Variants in ZNF7 observed in about 807,000 individuals in gnomAD.
ZNF7 encodes the protein C2-H2 type zinc finger protein.
In ZNF7, 10 loss-of-function variants were observed where a neutral mutation model predicts 12.0. That is an observed-to-expected ratio of 0.83 (90% CI 0.51 to 1.42). The LOEUF (loss-of-function observed/expected upper bound fraction) is 1.42, where lower values mean the gene tolerates loss of function less well. Ranked by LOEUF, ZNF7 falls within the 40% of genes most tolerant of loss-of-function variation. ZNF7 has a pLI of 0.00. For missense variants in ZNF7, 854 were observed against 837.2 expected (o/e 1.02, Z -0.25); for synonymous variants, 334 against 295.0 (o/e 1.13, Z -1.35).
chr8:144,829,668 C>T, intron 3 of ZNF7, 64 bp downstream of exon 3: 2 of 1,545,688 alleles, frequency 1.3e-6, no homozygotes, highest in Non-Finnish European at 1.8e-6. Context: ...AGCCAGGCCT[C>T]CATCAGAGGC....
rs1326546927 is a variant in ZNF7 at position 144,842,940 on chromosome 8, A to G, written c.1833A>G (p.Glu611=). 6.2e-7 allele frequency: 1 copy of G among 1,614,062 alleles called. No individual in the cohort carries two copies. Among genetic ancestry groups the G allele is most frequent in the Non-Finnish European group, 8.5e-7 (1 of 1,180,026 alleles). ...RIHTRAQWFY[E]YGNALEGSTF... is the part of the protein sequence containing the mutation. ...ACACTAGGGCCCAGTGGTTTTACGA[A>G]TATGGGAATGCCCTGGAAGGGTCCA... is the stretch of plus-strand genomic sequence containing the variant. The change falls in exon 5 of 5, where the codon GAA becomes GAG. Residue 611 remains glutamate, a synonymous_variant. Transcript: ENST00000532777.
At chr8:144,833,037 A>C (rs1828619296) in intron 3 of ZNF7, among the ~76,000 whole-genome samples, 1 of 151,976 alleles carries the variant, frequency 6.6e-6, no homozygotes, top group Non-Finnish European at 1.5e-5. Flanking sequence ...ATCTCTACTA[A>C]AAATACAAAA....
intron 4 of ZNF7, chr8:144,838,093 G>A: frequency 1.4e-6 from 1 of 702,992 alleles, no homozygotes; most frequent in Non-Finnish European, 2.6e-6. Flanking sequence ...ATCCTGTCCT[G>A]CCTCTCCGGG....
Position 144,841,878 on chromosome 8 carries a change from A to G in ZNF7, c.771A>G (p.Lys257=), listed in dbSNP as rs764165882. 7 of 1,614,044 alleles carry G rather than the reference A, an allele frequency of 4.3e-6. No individual in the cohort carries two copies. The highest frequency in any genetic ancestry group is 5.9e-6 in the Non-Finnish European group (7 of 1,179,998). ...EKPYECAECG[K]VFRLCSQLNQ... ...CGTACGAATGTGCAGAGTGTGGGAAAGTCTTCAGGCTCTGCTCGCAGCTTA... is the reference window on the plus strand; with the variant it reads ...CGTACGAATGTGCAGAGTGTGGGAAGGTCTTCAGGCTCTGCTCGCAGCTTA... The change falls in exon 5 of 5, where the codon AAA becomes AAG. Residue 257 remains lysine, a synonymous_variant. Coordinates refer to ENST00000532777, the MANE Select transcript of ZNF7 (RefSeq NM_003416.4).
At chr8:144,828,976 C>A (rs1828118691) in intron 1 of ZNF7, 67 bp from the exon 2 acceptor site, 2 of 1,570,044 alleles carry the variant, frequency 1.3e-6, no homozygotes, top group Non-Finnish European at 8.7e-7. Context: ...GCACAGTACC[C>A]CCTTGATTAG....
In ZNF7 at chr8:144,841,427, C is replaced by T. The variant is rs1022674822; in HGVS notation, c.320C>T (p.Thr107Ile). 1.2e-6 allele frequency: 2 copies of T among 1,614,082 alleles called. No homozygotes were observed. Among genetic ancestry groups the T allele is most frequent in the African/African-American group, 1.3e-5 (1 of 74,938 alleles). ...MDILKSESYG[T>I]VVRISPQDFP... The stretch of plus-strand genomic sequence containing the variant: ...ATCCTAAAATCAGAATCCTATGGGA[C>T]AGTGGTCAGAATCTCCCCACAGGAC... The change falls in exon 5 of 5, where the codon ACA (threonine) becomes ATA (isoleucine). Residue 107 changes from threonine to isoleucine, a missense_variant. Coordinates refer to ENST00000532777, the MANE Select transcript of ZNF7 (RefSeq NM_003416.4).
intron 3 of ZNF7, chr8:144,830,795 G>T: frequency 2.8e-6 from 1 of 360,588 alleles, no homozygotes; most frequent in South Asian, 2.0e-5. Context: ...GTGCAATGGC[G>T]CGATCTTGGC....
chr8:144,846,480 T>C (rs1830517213), downstream of ZNF7: 1 of 297,186 alleles, frequency 3.4e-6, no homozygotes, highest in Non-Finnish European at 6.3e-6. Flanking sequence ...GCTTTCTTGC[T>C]GCAGCAGTGT....
chr8:144,829,403 A>C (rs1168824874), intron 2 of ZNF7, 75 bp from the exon 3 acceptor site: 4 of 1,600,168 alleles, frequency 2.5e-6, no homozygotes, highest in Non-Finnish European at 3.4e-6. Context: ...CAGCTGCCTG[A>C]GACATGTCAT....
intron 1 of ZNF7, chr8:144,828,809 A>T: frequency 1.7e-6 from 1 of 575,510 alleles, no homozygotes; most frequent in Non-Finnish European, 3.1e-6. Context: ...TCCACTTCTT[A>T]CGGCTTTGTG....
rs932528886 is a variant in ZNF7, at chr8:144,843,467, G to A, written c.*299G>A. 5.7e-4 allele frequency: 119 copies of A among 208,978 alleles called. No homozygotes were observed. Among genetic ancestry groups the A allele is most frequent in the Non-Finnish European group, 6.5e-4 (68 of 104,932 alleles). The allele number at this position is 208,978 out of a possible 1,614,324, so 12.9% of individuals were successfully genotyped here. On this transcript the variant is annotated 3_prime_UTR_variant, in exon 5 of 5. Coordinates refer to ENST00000532777, the MANE Select transcript of ZNF7 (RefSeq NM_003416.4). ...GCTGGGCGTGGTGGCAGGCACCTGT[G>A]GTCCCAGCTGCTCGGGAGGCTGAGG...
chr8:144,843,420 C>T lies in ZNF7; in HGVS notation c.*252C>T, dbSNP rs1830249128. Reference sequence around the variant, plus strand: ...CTGGGTAACAGGTGAAACCCCATCTCTACTAAAAATACAAAAATTTAGCTG... The same window carrying T: ...CTGGGTAACAGGTGAAACCCCATCTTTACTAAAAATACAAAAATTTAGCTG... On this transcript the variant is annotated 3_prime_UTR_variant, in exon 5 of 5. Transcript: ENST00000532777. 1 of 340,420 alleles carries T rather than the reference C, an allele frequency of 2.9e-6. No individual in the cohort carries two copies. Among genetic ancestry groups the T allele is most frequent in the Admixed American group, 4.6e-5 (1 of 21,958 alleles). The allele number at this position is 340,420 out of a possible 1,614,324, so 21.1% of individuals were successfully genotyped here.
Position 144,829,036 on chromosome 8 carries a change from C to T in ZNF7, c.-45-7C>T, listed in dbSNP as rs1828126838. 6.2e-7 allele frequency: 1 copy of T among 1,613,400 alleles called. No individual in the cohort carries two copies. Among genetic ancestry groups the T allele is most frequent in the African/African-American group, 1.3e-5 (1 of 74,916 alleles). ...TTGACCTCTAATCCTTTCATAATTG[C>T]CAACAGGTCTCTCGGCCAGAACACG... On this transcript the variant is annotated splice_region_variant and splice_polypyrimidine_tract_variant and intron_variant, in intron 1 of 4. Coordinates refer to ENST00000532777, the MANE Select transcript of ZNF7 (RefSeq NM_003416.4).
Position 144,842,268 on chromosome 8 carries a change from G to C in ZNF7, c.1161G>C (p.Glu387Asp). ...LAQHQRMHTG[E>D]KAQILKASDS... Reference sequence around the variant, plus strand: ...AGCATCAAAGGATGCATACTGGGGAGAAAGCTCAAATTCTAAAAGCCTCAG... The same window carrying C: ...AGCATCAAAGGATGCATACTGGGGACAAAGCTCAAATTCTAAAAGCCTCAG... The change falls in exon 5 of 5, where the codon GAG becomes GAC. Residue 387 changes from glutamate to aspartate, a missense_variant. By Grantham distance (45) the Glu-to-Asp change is conservative. Coordinates refer to ENST00000532777, the MANE Select transcript of ZNF7 (RefSeq NM_003416.4). The C allele has an allele frequency of 5.6e-6, 9 of 1,614,078 alleles. No individual in the cohort carries two copies. Among genetic ancestry groups the C allele is most frequent in the Middle Eastern group, 1.6e-4 (1 of 6,062 alleles).
In ZNF7 at chr8:144,837,374, C is replaced by T; in HGVS notation, c.131-17C>T. ...CCCGTCATGCTGACACTGTTGTCTT[C>T]TCTGCCGCACACACAGCAGGATTCC... On this transcript the variant is annotated splice_polypyrimidine_tract_variant and intron_variant, in intron 3 of 4. Coordinates refer to ENST00000532777, the MANE Select transcript of ZNF7 (RefSeq NM_003416.4). 1.3e-6 allele frequency: 2 copies of T among 1,589,838 alleles called. No homozygotes were observed. Among genetic ancestry groups the T allele is most frequent in the Non-Finnish European group, 1.7e-6 (2 of 1,161,160 alleles).
rs750306247 is a variant in ZNF7 at position 144,843,043 on chromosome 8, C to T, written c.1936C>T (p.Arg646Cys). The change falls in exon 5 of 5, where the codon CGT becomes TGT. Residue 646 changes from arginine (R) to cysteine (C), a missense_variant. Physicochemically the swap from Arg to Cys is radical, Grantham distance 180. Coordinates refer to ENST00000532777, the MANE Select transcript of ZNF7 (RefSeq NM_003416.4). ...CEDCEKIFRW[R>C]SHLIIHQRIH... Reference sequence around the variant, plus strand: ...AGACTGTGAGAAGATATTTAGGTGGCGTTCACACCTAATTATACACCAGAG... The same window carrying T: ...AGACTGTGAGAAGATATTTAGGTGGTGTTCACACCTAATTATACACCAGAG... 3.3e-5 allele frequency: 54 copies of T among 1,613,892 alleles called. No homozygotes were observed. The highest frequency in any genetic ancestry group is 8.3e-5 in the Admixed American group (5 of 59,990).
Position 144,838,447 on chromosome 8 carries a change from C to T in ZNF7, c.247+940C>T, listed in dbSNP as rs145479324. ...CCCGGCCTGGTGCTCTGCTCCCCTGCTTAGCCGGTGTGCTGCCCAGCATGA... is the reference window on the plus strand; with the variant it reads ...CCCGGCCTGGTGCTCTGCTCCCCTGTTTAGCCGGTGTGCTGCCCAGCATGA... On this transcript the variant is annotated intron_variant, in intron 4 of 4. Transcript: ENST00000532777. The T allele has an allele frequency of 4.3e-3, 1,643 of 379,288 alleles. 24 individuals carry two copies. The highest frequency in any genetic ancestry group is 0.031 in the African/African-American group (1,489 of 48,742). The allele number at this position is 379,288 out of a possible 1,614,324, so 23.5% of individuals were successfully genotyped here.
chr8:144,837,457 T>C lies in ZNF7; in HGVS notation c.197T>C (p.Leu66Pro). ...RLEQGEEPWV[L>P]DLQGAEGTEA... ...GAGCAGGGAGAAGAGCCATGGGTCC[T>C]CGACCTGCAGGGAGCAGAGGGGACA... Residue 66 changes from leucine (L) to proline (P), a missense_variant, in exon 4 of 5, where the codon CTC becomes CCC. By Grantham distance (98) the Leu-to-Pro change is moderately conservative. Transcript: ENST00000532777. 6.2e-7 allele frequency: 1 copy of C among 1,613,252 alleles called. No individual in the cohort carries two copies. The highest frequency in any genetic ancestry group is 8.5e-7 in the Non-Finnish European group (1 of 1,179,306).
At position 144,843,410 on chromosome 8, in the gene ZNF7, A is replaced by G. The variant is rs1159006356; in HGVS notation, c.*242A>G. ...TGAGACCATCCTGGGTAACAGGTGA[A>G]ACCCCATCTCTACTAAAAATACAAA... On this transcript the variant is annotated 3_prime_UTR_variant, in exon 5 of 5. Coordinates refer to ENST00000532777, the MANE Select transcript of ZNF7 (RefSeq NM_003416.4). 9 of 393,932 alleles carry G rather than the reference A, an allele frequency of 2.3e-5. No individual in the cohort carries two copies. Among genetic ancestry groups the G allele is most frequent in the Middle Eastern group, 1.3e-3 (2 of 1,482 alleles). The allele number at this position is 393,932 out of a possible 1,614,324, so 24.4% of individuals were successfully genotyped here. A position where few individuals can be genotyped will look rare whatever the true frequency, so the allele number is the denominator to read the frequency against.
Sources: gnomAD v4.1 joint callset for allele counts (sites outside exome capture counted in the v4.1 genomes callset) on GRCh38, gnomAD v4.1.1 for gene constraint, MANE v1.5 for transcripts, NCBI Gene and HGNC (gene_info 2026-07-23, HGNC 2026-07-21) for gene names.